The following MACROD2 variants were observed in gnomAD, a reference collection of about 807,000 sequenced individuals.
MACROD2 encodes ADP-ribose glycohydrolase MACROD2.
MACROD2 carries 36 observed loss-of-function variants against 70.4 expected under a neutral mutation model. The ratio of observed to expected loss-of-function variants is 0.51; its 90% confidence interval spans 0.39 to 0.68. The LOEUF (loss-of-function observed/expected upper bound fraction) is 0.68, where lower values mean the gene tolerates loss of function less well. MACROD2 is among the 30% of genes least tolerant of loss of function. The probability of loss-of-function intolerance (pLI) is 0.00; values close to 1 mark genes in which losing one functional copy is unlikely to be tolerated. For synonymous variants in MACROD2, 172 were observed against 178.8 expected (o/e 0.96, Z 0.30); for missense variants, 496 against 538.4 (o/e 0.92, Z 0.78).
chr20:15,080,445 C>T (rs940742446), intron 5 of MACROD2, among the ~76,000 whole-genome samples: 1 of 152,112 alleles, frequency 6.6e-6, no homozygotes. Context: ...ACACCTTGTT[C>T]CTTTGCCCTT....
intron 8 of MACROD2, among the ~76,000 whole-genome samples, chr20:15,788,121 T>G (rs1301476783): frequency 5.3e-5 from 8 of 152,210 alleles, no homozygotes; most frequent in Non-Finnish European, 1.0e-4. Flanking sequence ...GTGATCTCTG[T>G]TAGCCATGAA....
At chr20:14,262,889 G>A (rs1196120880) in intron 3 of MACROD2, among the ~76,000 whole-genome samples, 1 of 152,138 alleles carries the variant, frequency 6.6e-6, no homozygotes, top group Non-Finnish European at 1.5e-5. Flanking sequence ...GTGGATTGAA[G>A]AGTAAAGAGA....
intron 6 of MACROD2, among the ~76,000 whole-genome samples, chr20:15,312,571 T>C (rs1382558224): frequency 2.0e-5 from 3 of 152,198 alleles, no homozygotes; most frequent in East Asian, 1.9e-4. Flanking sequence ...TAAAGAAATA[T>C]ACAGAACCGT....
intron 6 of MACROD2, among the ~76,000 whole-genome samples, chr20:15,399,920 A>G (rs950016133): frequency 6.6e-6 from 1 of 152,182 alleles, no homozygotes; most frequent in Non-Finnish European, 1.5e-5. Context: ...CCTCTCTGCT[A>G]TGAGAGGGGT....
chr20:14,873,823 C>A (rs1046254999), intron 5 of MACROD2, among the ~76,000 whole-genome samples: 1 of 152,084 alleles, frequency 6.6e-6, no homozygotes, highest in African/African-American at 2.4e-5. Context: ...TGCGCCATTG[C>A]ACTCCAGCCT....
chr20:14,676,879 G>A (rs1452631204), intron 4 of MACROD2, among the ~76,000 whole-genome samples: 1 of 152,112 alleles, frequency 6.6e-6, no homozygotes, highest in African/African-American at 2.4e-5. Context: ...AAACGATAAA[G>A]GGGATATCAC....
intron 5 of MACROD2, among the ~76,000 whole-genome samples, chr20:14,781,150 T>C (rs539177081): frequency 6.6e-6 from 1 of 152,160 alleles, no homozygotes; most frequent in African/African-American, 2.4e-5. Flanking sequence ...AACTTATTTT[T>C]CTCAGCTGCA....
chr20:15,039,590 A>G (rs1186610928), intron 5 of MACROD2, among the ~76,000 whole-genome samples: 1 of 152,156 alleles, frequency 6.6e-6, no homozygotes, highest in East Asian at 1.9e-4. Flanking sequence ...ATCACTTAAC[A>G]AACCACAGTG....
chr20:15,043,637 C>T (rs2075371521), intron 5 of MACROD2, among the ~76,000 whole-genome samples: 1 of 152,130 alleles, frequency 6.6e-6, no homozygotes. Context: ...CTTTTGCAGT[C>T]TGGGCATGGT....
chr20:14,387,128 C>G (rs998951044), intron 3 of MACROD2, among the ~76,000 whole-genome samples: 5 of 152,186 alleles, frequency 3.3e-5, no homozygotes, highest in African/African-American at 1.2e-4. Context: ...AATTTAAAGT[C>G]TTTTTATAGT....
At chr20:15,004,364 C>A (rs1359208355) in intron 5 of MACROD2, among the ~76,000 whole-genome samples, 1 of 152,180 alleles carries the variant, frequency 6.6e-6, no homozygotes, top group Non-Finnish European at 1.5e-5. Flanking sequence ...ACCTTACAGT[C>A]AACTTCTAAA....
intron 6 of MACROD2, among the ~76,000 whole-genome samples, chr20:15,307,976 G>C (rs969518192): frequency 6.6e-6 from 1 of 151,980 alleles, no homozygotes; most frequent in African/African-American, 2.4e-5. Flanking sequence ...GTTAGACTCA[G>C]GTTATGCATT....
At chr20:15,884,627 C>A (rs2064799388) in intron 9 of MACROD2, among the ~76,000 whole-genome samples, 1 of 151,886 alleles carries the variant, frequency 6.6e-6, no homozygotes, top group Admixed American at 6.6e-5. Context: ...TAGGAAACTG[C>A]TAAAATAGCT....
intron 5 of MACROD2, among the ~76,000 whole-genome samples, chr20:14,978,358 C>T (rs1458042058): frequency 7.5e-6 from 1 of 133,324 alleles, no homozygotes; most frequent in Non-Finnish European, 1.6e-5. Context: ...TAGAAGTAGT[C>T]CCCCTCTCCG....
At chr20:15,152,741 C>T (rs190947225) in intron 5 of MACROD2, among the ~76,000 whole-genome samples, 2 of 152,148 alleles carry the variant, frequency 1.3e-5, no homozygotes, top group Admixed American at 6.5e-5. Context: ...CGTGGACTGA[C>T]ACCTCTGAAA....
intron 8 of MACROD2, among the ~76,000 whole-genome samples, chr20:15,541,807 A>G (rs1160660054): frequency 9.2e-5 from 14 of 152,204 alleles, no homozygotes; most frequent in Admixed American, 4.6e-4. Flanking sequence ...AATGTTTGGG[A>G]CACAACCTTT....
At position 14,874,671 on chromosome 20, in the gene MACROD2, GTATTTATTTATTTATT is replaced by G. The variant is rs71190161; in HGVS notation, c.418+189746_418+189761del. Among the ~76,000 whole-genome samples the G allele has an allele frequency of 1.6e-3, 233 of 143,166 alleles. 1 individual carries two copies. The highest frequency in any genetic ancestry group is 6.3e-3 in the East Asian group (30 of 4,780). 93.9% of individuals were successfully genotyped at this position (143,166 alleles called of 152,430 possible). ...TCCAATAACATGAACAAAAAAGGTT[GTATTTATTTATTTATT>G]TATTTATTTATTTATTTATTTATTT... On this transcript the variant is annotated intron_variant, in intron 5 of 17. Transcript: ENST00000684519.
At chr20:14,060,102 C>G (rs924196892) in intron 2 of MACROD2, among the ~76,000 whole-genome samples, 1 of 152,190 alleles carries the variant, frequency 6.6e-6, no homozygotes, top group African/African-American at 2.4e-5. Flanking sequence ...GATTCAATTA[C>G]TATAGCAAAA....
intron 6 of MACROD2, among the ~76,000 whole-genome samples, chr20:15,313,036 T>G (rs1184935348): frequency 6.6e-6 from 1 of 152,222 alleles, no homozygotes; most frequent in African/African-American, 2.4e-5. Context: ...TTTATATGTT[T>G]GCATATATGG....
Sources: allele counts gnomAD v4.1 joint callset (sites outside exome capture counted in the v4.1 genomes callset), GRCh38; gene constraint gnomAD v4.1.1; transcripts MANE v1.5; gene names NCBI Gene and HGNC (gene_info 2026-07-23, HGNC 2026-07-21).